The following PCSK6 variants were observed in gnomAD, a reference collection of about 807,000 sequenced individuals.
PCSK6 encodes proprotein convertase subtilisin/kexin type 6, also known as paired basic amino acid cleaving enzyme 4.
A neutral mutation model predicts 123.3 loss-of-function variants in PCSK6; 85 were observed. The ratio of observed to expected loss-of-function variants is 0.69; its 90% CI spans 0.58 to 0.83. The LOEUF is 0.83. PCSK6 is among the 40% of genes least tolerant of loss of function. The pLI, the probability that PCSK6 is intolerant of heterozygous loss-of-function variation, is 0.00. For synonymous variants in PCSK6, 508 were observed against 516.0 expected, an observed-to-expected ratio of 0.98 and a Z score of 0.21; for missense variants, 1,191 against 1,282.3, an observed-to-expected ratio of 0.93 and a Z score of 1.09.
At chr15:101,407,743 C>A (rs28561730) in intron 6 of PCSK6, among the ~76,000 whole-genome samples, 3,733 of 152,320 alleles carry the variant, frequency 0.025, 151 homozygotes, top group African/African-American at 0.085. Context: ...CCTGACAGAA[C>A]CCGCTGCTTC....
intron 1 of PCSK6, among the ~76,000 whole-genome samples, chr15:101,474,526 A>G (rs2057681553): frequency 6.6e-6 from 1 of 152,236 alleles, no homozygotes. Context: ...TAAAACCAGC[A>G]GCAAATGAAC....
intron 13 of PCSK6, among the ~76,000 whole-genome samples, chr15:101,343,241 T>C (rs2040659193): frequency 6.6e-6 from 1 of 152,190 alleles, no homozygotes; most frequent in Non-Finnish European, 1.5e-5. Context: ...ATCATATAGT[T>C]TCAGCTTTTT....
chr15:101,443,755 G>C, intron 1 of PCSK6, 95 bp from the exon 2 acceptor site: 1 of 857,338 alleles, frequency 1.2e-6, no homozygotes, highest in East Asian at 2.4e-5. Flanking sequence ...TATCTGAGGG[G>C]CTCATTCTCC....
At chr15:101,487,327 G>A in intron 1 of PCSK6, among the ~76,000 whole-genome samples, 1 of 152,244 alleles carries the variant, frequency 6.6e-6, no homozygotes, top group East Asian at 1.9e-4. Context: ...ATTCATGCTG[G>A]CTGCACTAGA....
At chr15:101,384,291 C>T in intron 10 of PCSK6, 31 bp downstream of exon 10, 1 of 1,608,752 alleles carries the variant, frequency 6.2e-7, no homozygotes, top group Non-Finnish European at 8.5e-7. Context: ...CCAGGGCCAC[C>T]CAATGGTCCA....
At chr15:101,393,660 G>C (rs966522591) in intron 7 of PCSK6, among the ~76,000 whole-genome samples, 2 of 152,196 alleles carry the variant, frequency 1.3e-5, no homozygotes, top group Non-Finnish European at 2.9e-5. Context: ...TCATACGAGG[G>C]GAAGGGGCCA....
Position 101,489,363 on chromosome 15 carries a change from G to A in PCSK6, c.297+11C>T. 8.5e-7 allele frequency: 1 copy of A among 1,173,422 alleles called. No individual in the cohort carries two copies. The highest frequency in any genetic ancestry group is 2.2e-5 in the South Asian group (1 of 46,332). 72.7% of individuals were successfully genotyped at this position (1,173,422 alleles called of 1,614,324 possible). ...GGAAAGTTTTGGGCGCGCGGGGCCGGCCGCACTCACCTGGCCCAAGTTGAG... is the reference window on the plus strand; with the variant it reads ...GGAAAGTTTTGGGCGCGCGGGGCCGACCGCACTCACCTGGCCCAAGTTGAG... On this transcript the variant is annotated intron_variant, in intron 1 of 21. Coordinates refer to ENST00000611716, the MANE Select transcript of PCSK6 (RefSeq NM_002570.5).
intron 14 of PCSK6, 64 bp from the exon 15 acceptor site, chr15:101,331,753 G>GC: frequency 6.3e-7 from 1 of 1,599,542 alleles, no homozygotes; most frequent in Non-Finnish European, 8.6e-7. Flanking sequence ...ACAACCATCA[G>GC]CCCCACCTTT....
chr15:101,342,125 GTC>G (rs2040625941), intron 13 of PCSK6, among the ~76,000 whole-genome samples: 1 of 26,048 alleles, frequency 3.8e-5, no homozygotes, highest in Non-Finnish European at 8.1e-5. Context: ...GTAAGACCCT[GTC>G]TCAAAAAAAA....
rs1385498929 is a variant in PCSK6, at chr15:101,305,265, G to A, written c.2903C>T (p.Ala968Val). 2.5e-6 allele frequency: 4 copies of A among 1,610,384 alleles called. No homozygotes were observed. Among genetic ancestry groups the A allele is most frequent in the Non-Finnish European group, 8.5e-7 (1 of 1,179,164 alleles). Residue 968 changes from alanine (A) to valine (V), a missense_variant, in exon 22 of 22, where the codon GCC becomes GTC. By Grantham distance (64) the Ala-to-Val change is moderately conservative. Around this residue, in one of 3 missense-constraint regions of PCSK6, gnomAD observed 630 missense variants for 631.4 expected, o/e 1.00. Transcript: ENST00000611716. This position sits in a 1 kb window ranked among gnomAD's most constrained non-coding sequence, Gnocchi z 4.8. ...GTGGGCAGCTAGGCACCCTTACCCG[G>A]CCAGGAGGCACGTGCGGCAGCAGAA... ...IQFCCRTCLL[A>V]G is the part of the protein sequence containing the mutation.
chr15:101,310,120 G>C (rs1309973413), intron 20 of PCSK6, among the ~76,000 whole-genome samples: 1 of 152,116 alleles, frequency 6.6e-6, no homozygotes, highest in Non-Finnish European at 1.5e-5. Context: ...TCCAAGTGGG[G>C]AGAGACCCCG....
At chr15:101,386,431 A>C (rs2042066029) in intron 9 of PCSK6, among the ~76,000 whole-genome samples, 1 of 152,100 alleles carries the variant, frequency 6.6e-6, no homozygotes, top group East Asian at 1.9e-4. Flanking sequence ...GGACGTTCAC[A>C]TTGCTCTGGT....
intron 1 of PCSK6, among the ~76,000 whole-genome samples, chr15:101,477,495 G>A (rs1257343902): frequency 6.6e-6 from 1 of 152,154 alleles, no homozygotes; most frequent in Non-Finnish European, 1.5e-5. Context: ...ACCTGCATAT[G>A]AGTGTGCACG....
intron 13 of PCSK6, among the ~76,000 whole-genome samples, chr15:101,333,272 T>C (rs1003046918): frequency 2.6e-5 from 4 of 152,236 alleles, no homozygotes; most frequent in African/African-American, 9.6e-5. Context: ...CAGCTGCTCA[T>C]GCTGACGGGG....
intron 12 of PCSK6, among the ~76,000 whole-genome samples, chr15:101,366,818 G>A (rs143127424): frequency 9.8e-4 from 149 of 152,328 alleles, no homozygotes; most frequent in African/African-American, 3.3e-3. Flanking sequence ...CCTTTTGAAA[G>A]TGCTTGTTTG....
intron 9 of PCSK6, among the ~76,000 whole-genome samples, chr15:101,389,035 T>C (rs747589473): frequency 1.3e-5 from 2 of 152,176 alleles, no homozygotes; most frequent in Non-Finnish European, 2.9e-5. Flanking sequence ...TAAAATGAGA[T>C]TATTAGGGTG....
intron 16 of PCSK6, 76 bp downstream of exon 16, chr15:101,326,301 C>G (rs2277591): frequency 0.026 from 28,988 of 1,116,004 alleles, 741 homozygotes; most frequent in East Asian, 0.11. Context: ...ACTGGGGCAT[C>G]AGGACATGGA....
intron 8 of PCSK6, among the ~76,000 whole-genome samples, chr15:101,392,340 A>G (rs1451367090): frequency 6.6e-6 from 1 of 152,240 alleles, no homozygotes; most frequent in Non-Finnish European, 1.5e-5. Flanking sequence ...ATGGCAGCTG[A>G]CCTTTCACTG....
At chr15:101,405,591 G>A (rs114586821) in intron 6 of PCSK6, among the ~76,000 whole-genome samples, 446 of 152,094 alleles carry the variant, frequency 2.9e-3, no homozygotes, top group African/African-American at 9.4e-3. Flanking sequence ...AATAATACGT[G>A]CATTCCTATA....
Sources: allele counts gnomAD v4.1 joint callset (sites outside exome capture counted in the v4.1 genomes callset), GRCh38; gene constraint gnomAD v4.1.1; regional missense constraint gnomAD v4.1.1; non-coding constraint Gnocchi (gnomAD v3.1); transcripts MANE v1.5; gene names NCBI Gene and HGNC (gene_info 2026-07-23, HGNC 2026-07-21).